The following INTS8 variants were observed in gnomAD, a reference collection of about 807,000 sequenced individuals.
INTS8 encodes integrator complex subunit 8, also known as protein kaonashi-1.
INTS8 carries 47 observed loss-of-function variants against 138.9 expected under a neutral mutation model. The observed-to-expected ratio is 0.34, with a 90% CI of 0.27 to 0.43. The LOEUF (loss-of-function observed/expected upper bound fraction) is 0.43. INTS8 is among the 20% of genes least tolerant of loss of function. INTS8 has a pLI of 1.00. For missense variants in INTS8, 996 were observed against 1,173.0 expected (o/e 0.85, Z 2.20); for synonymous variants, 392 against 400.9 (o/e 0.98, Z 0.27).
chr8:94,875,128 C>T (rs190082223), intron 23 of INTS8, among the ~76,000 whole-genome samples: 1 of 152,154 alleles, frequency 6.6e-6, no homozygotes, highest in Admixed American at 6.5e-5. Context: ...AGGTGTATAC[C>T]CAAGACAACT....
At chr8:94,833,150 T>C (rs1246545223) in intron 6 of INTS8, among the ~76,000 whole-genome samples, 2 of 152,132 alleles carry the variant, frequency 1.3e-5, no homozygotes, top group Admixed American at 6.5e-5. Flanking sequence ...CCTTCTAAAC[T>C]GTATTGTCTT....
chr8:94,854,610 C>T (rs76879076), intron 14 of INTS8, among the ~76,000 whole-genome samples: 5,116 of 152,280 alleles, frequency 0.034, 90 homozygotes, highest in Non-Finnish European at 0.04. Flanking sequence ...AGTGCAGTTG[C>T]GTGACTGATC....
chr8:94,855,417 TCACATG>T (rs1267937128), intron 14 of INTS8, among the ~76,000 whole-genome samples: 1 of 152,208 alleles, frequency 6.6e-6, no homozygotes, highest in Admixed American at 6.5e-5. Flanking sequence ...TAGTCACATT[TCACATG>T]CTCAGTAGCC....
intron 2 of INTS8, among the ~76,000 whole-genome samples, chr8:94,826,782 G>A (rs1446466188): frequency 6.6e-5 from 10 of 152,110 alleles, no homozygotes; most frequent in South Asian, 2.1e-4. Flanking sequence ...TATGTTTTAC[G>A]TTTTTTCATA....
intron 1 of INTS8, 41 bp downstream of exon 1, chr8:94,823,602 C>T (rs1388024009): frequency 6.9e-7 from 1 of 1,444,002 alleles, no homozygotes; most frequent in South Asian, 1.3e-5. Flanking sequence ...GACCCGGCCA[C>T]CGGCGCTGTC....
intron 6 of INTS8, among the ~76,000 whole-genome samples, chr8:94,832,796 A>C (rs1364180493): frequency 6.6e-6 from 1 of 151,978 alleles, no homozygotes; most frequent in Non-Finnish European, 1.5e-5. Context: ...CTGGGACTAC[A>C]GGCGCCTGCC....
rs1177094645 is a variant in INTS8, at chr8:94,881,582, A to G, written c.*1348A>G. On this transcript the variant is annotated 3_prime_UTR_variant, in exon 27 of 27. Coordinates refer to ENST00000523731, the MANE Select transcript of INTS8 (RefSeq NM_017864.4). ...AAAACTTTAGTAGTTCAGTGATACC[A>G]GTTCTACCCAATCTTGGTGAATTCC... The G allele has an allele frequency of 8.8e-6, 14 of 1,590,708 alleles. No homozygotes were observed. The East Asian group carries it at 1.1e-4, about 13-fold the overall frequency.
chr8:94,869,714 A>C (rs552268125), intron 20 of INTS8, among the ~76,000 whole-genome samples: 1 of 152,166 alleles, frequency 6.6e-6, no homozygotes, highest in South Asian at 2.1e-4. Context: ...GCTGGTCTCA[A>C]ACTCCTGACC....
chr8:94,860,513 G>A (rs1359449465), intron 16 of INTS8, among the ~76,000 whole-genome samples: 2 of 139,818 alleles, frequency 1.4e-5, no homozygotes, highest in Non-Finnish European at 1.5e-5. Context: ...CCGGGAGGCA[G>A]AGTTTGCGTG....
At chr8:94,859,409 C>T (rs1162275910) in intron 15 of INTS8, 102 bp from the exon 16 acceptor site, 48 of 1,172,996 alleles carry the variant, frequency 4.1e-5, no homozygotes, top group Non-Finnish European at 5.5e-5. Flanking sequence ...CCACCATACC[C>T]GTCCTGTTTT....
At chr8:94,836,093 C>T (rs1035448510) in intron 6 of INTS8, among the ~76,000 whole-genome samples, 4 of 152,068 alleles carry the variant, frequency 2.6e-5, no homozygotes, top group African/African-American at 7.2e-5. Context: ...GCGGCAACAG[C>T]GACAGTAAAA....
intron 10 of INTS8, 147 bp downstream of exon 10, chr8:94,842,635 TC>T (rs1183120947): frequency 3.5e-6 from 2 of 578,370 alleles, no homozygotes; most frequent in Non-Finnish European, 6.0e-6. Flanking sequence ...ACTATGCCCT[TC>T]CGCCTGGTCT....
intron 26 of INTS8, among the ~76,000 whole-genome samples, chr8:94,877,242 A>G (rs1374028763): frequency 3.3e-5 from 5 of 152,168 alleles, no homozygotes; most frequent in African/African-American, 7.2e-5. Flanking sequence ...CTTGTCTAAC[A>G]TTTACTGTGG....
At chr8:94,842,295 C>G in intron 9 of INTS8, 52 bp from the exon 10 acceptor site, 1 of 1,272,388 alleles carries the variant, frequency 7.9e-7, no homozygotes, top group South Asian at 1.4e-5. Flanking sequence ...TAATATACAC[C>G]TTTCTTTTGT....
intron 13 of INTS8, among the ~76,000 whole-genome samples, chr8:94,851,913 C>A (rs1815560466): frequency 6.6e-6 from 1 of 152,130 alleles, no homozygotes; most frequent in African/African-American, 2.4e-5. Context: ...ATGAGTTTTT[C>A]CATTTGTTGA....
At position 94,866,157 on chromosome 8, in the gene INTS8, G is replaced by T; in HGVS notation, c.2262-1G>T. ...TGTATTCAAAAATTTTTGTTTTGTAGGAGTGAACTGCTTTCTTTTATCAAA... is the reference window on the plus strand; with the variant it reads ...TGTATTCAAAAATTTTTGTTTTGTATGAGTGAACTGCTTTCTTTTATCAAA... On this transcript the variant is annotated splice_acceptor_variant, in intron 17 of 26. Transcript: ENST00000523731. LOFTEE classifies it high-confidence loss of function. The T allele has an allele frequency of 7.9e-7, 1 of 1,260,974 alleles. No individual in the cohort carries two copies. The allele number at this position is 1,260,974 out of a possible 1,614,324, so 78.1% of individuals were successfully genotyped here. A position where few individuals can be genotyped will look rare whatever the true frequency, so the allele number is the denominator to read the frequency against.
chr8:94,838,543 T>G lies in INTS8; in HGVS notation c.942T>G (p.Pro314=). Residue 314 remains proline (P), a synonymous_variant, in exon 8 of 27, where the codon CCT becomes CCG. Coordinates refer to ENST00000523731, the MANE Select transcript of INTS8 (RefSeq NM_017864.4). ...GYCQACDVLV[P]SSDSTSQQLT... is the part of the protein sequence containing the mutation. ...GTCAAGCATGTGATGTTCTTGTACC[T>G]TCTTCTGATAGTACATCTCAACAGT... The G allele has an allele frequency of 1.2e-6, 2 of 1,610,898 alleles. No homozygotes were observed. Among genetic ancestry groups the G allele is most frequent in the Non-Finnish European group, 1.7e-6 (2 of 1,176,998 alleles).
At chr8:94,828,045 GTTT>G (rs67211071) in intron 4 of INTS8, among the ~76,000 whole-genome samples, 3 of 141,864 alleles carry the variant, frequency 2.1e-5, no homozygotes, top group Non-Finnish European at 1.5e-5. Context: ...TTTTTTTTTT[GTTT>G]TTTTTTTTTG....
At chr8:94,851,897 C>T (rs1815559819) in intron 13 of INTS8, among the ~76,000 whole-genome samples, 1 of 152,210 alleles carries the variant, frequency 6.6e-6, no homozygotes. Flanking sequence ...TGAGTAACAT[C>T]TAAAAATGAG....
Sources: gnomAD v4.1 joint callset for allele counts (sites outside exome capture counted in the v4.1 genomes callset) on GRCh38, gnomAD v4.1.1 for gene constraint, MANE v1.5 for transcripts, NCBI Gene and HGNC (gene_info 2026-07-23, HGNC 2026-07-21) for gene names.